Variants in DNM1L observed in about 807,000 individuals in gnomAD.
DNM1L encodes the protein dynamin 1L.
DNM1L carries 33 observed loss-of-function variants against 92.8 expected under a neutral mutation model. The ratio of observed to expected loss-of-function variants is 0.36; its 90% CI spans 0.27 to 0.48. DNM1L has a LOEUF of 0.48. Among genes scored for constraint, DNM1L ranks in the 20% least tolerant of loss-of-function variants. DNM1L has a pLI of 0.99. For missense variants in DNM1L, 485 were observed against 888.8 expected (o/e 0.55, Z 5.78); for synonymous variants, 284 against 305.0 (o/e 0.93, Z 0.72).
intron 9 of DNM1L, chr12:32,725,247 T>C (rs1280566317): frequency 1.3e-5 from 2 of 152,184 alleles, no homozygotes; most frequent in Non-Finnish European, 2.9e-5. Context: ...AGAACTAAAA[T>C]TGTATTTGAA....
At chr12:32,691,173 G>A (rs1393265246) in intron 1 of DNM1L, among the ~76,000 whole-genome samples, 1 of 152,108 alleles carries the variant, frequency 6.6e-6, no homozygotes, top group Non-Finnish European at 1.5e-5. Context: ...TGTCCGTGGT[G>A]TCTCTGTGTC....
rs940975463 is a variant in DNM1L at position 32,745,630 on chromosome 12, T to C, written c.*2220T>C. 1.3e-5 allele frequency: 2 copies of C among 152,364 alleles called. No homozygotes were observed. Among genetic ancestry groups the C allele is most frequent in the African/African-American group, 2.4e-5 (1 of 41,454 alleles). The allele number at this position is 152,364 out of a possible 1,614,324, so 9.4% of individuals were successfully genotyped here. A position where few individuals can be genotyped will look rare whatever the true frequency, so the allele number is the denominator to read the frequency against. On this transcript the variant is annotated 3_prime_UTR_variant, in exon 20 of 20. Coordinates refer to ENST00000549701, the MANE Select transcript of DNM1L (RefSeq NM_012062.5). ...GGAGCTTTTTAATACCTAATCTACT[T>C]TGGAACATAACCGTATAGAGTACGA...
intron 1 of DNM1L, among the ~76,000 whole-genome samples, chr12:32,696,634 CT>C (rs5797486): frequency 7.8e-4 from 115 of 146,976 alleles, no homozygotes; most frequent in East Asian, 7.7e-3. Flanking sequence ...AGATTACTGT[CT>C]TTTTTTTTTA....
chr12:32,692,908 T>C (rs1420994869), intron 1 of DNM1L: 1 of 152,236 alleles, frequency 6.6e-6, no homozygotes, highest in Non-Finnish European at 1.5e-5. Context: ...CCCAGTTTGT[T>C]CACTTATACT....
chr12:32,726,551 T>C (rs943820235), intron 9 of DNM1L: 7 of 1,171,848 alleles, frequency 6.0e-6, no homozygotes, highest in Middle Eastern at 2.6e-4. Flanking sequence ...ATCTTGGGAT[T>C]GTATGCTCAC....
At position 32,679,479 on chromosome 12, in the gene DNM1L, G is replaced by A; in HGVS notation, c.102+14G>A. 6.2e-7 allele frequency: 1 copy of A among 1,606,158 alleles called. No individual in the cohort carries two copies. Among genetic ancestry groups the A allele is most frequent in the Non-Finnish European group, 8.5e-7 (1 of 1,176,728 alleles). On this transcript the variant is annotated intron_variant, in intron 1 of 19. Transcript: ENST00000549701. ...GTGGGAACGCAGGTGAGAGCAGCAGGCGGCGTTCGCTCGGGCCAGACCCCG... is the reference window on the plus strand; with the variant it reads ...GTGGGAACGCAGGTGAGAGCAGCAGACGGCGTTCGCTCGGGCCAGACCCCG...
intron 13 of DNM1L, 126 bp from the exon 14 acceptor site, chr12:32,736,979 T>C (rs2137561569): frequency 1.2e-6 from 1 of 822,946 alleles, no homozygotes; most frequent in East Asian, 2.7e-5. Context: ...AATTATGGCA[T>C]GAGTCCCAAC....
Position 32,742,688 on chromosome 12 carries a change from T to A in DNM1L, c.2094T>A (p.Asp698Glu). 6.2e-7 allele frequency: 1 copy of A among 1,614,104 alleles called. No individual in the cohort carries two copies. Residue 698 changes from aspartate to glutamate, a missense_variant, in exon 19 of 20, where the codon GAT becomes GAA. Transcript: ENST00000549701. Reference protein sequence around the residue: ...GQLYKSSLLDDLLTESEDMAQ... With the variant: ...GQLYKSSLLDELLTESEDMAQ... Reference sequence around the variant, plus strand: ...TGTATAAATCATCCTTATTGGATGATCTTCTGACAGAATCTGAGGACATGG... The same window carrying A: ...TGTATAAATCATCCTTATTGGATGAACTTCTGACAGAATCTGAGGACATGG...
chr12:32,715,368 TTAAG>T (rs1953315365), intron 6 of DNM1L, among the ~76,000 whole-genome samples: 1 of 152,074 alleles, frequency 6.6e-6, no homozygotes, highest in African/African-American at 2.4e-5. Flanking sequence ...GTTGGAAAGA[TTAAG>T]TAAATTATAA....
At chr12:32,720,853 G>A (rs1292216012) in intron 8 of DNM1L, 58 bp downstream of exon 8, 3 of 1,603,206 alleles carry the variant, frequency 1.9e-6, no homozygotes, top group African/African-American at 1.3e-5. Context: ...TGGTGTCTGA[G>A]AGGGTTCATT....
rs546465348 is a variant in DNM1L, at chr12:32,741,341, A to G, written c.1994+823A>G. On this transcript the variant is annotated intron_variant, in intron 18 of 19. Transcript: ENST00000549701. ...CGCTTTGTCGCCCAGGCTGGGGTGCAGTGGCGCAGTCTTGGCCCACTTCAA... is the reference window on the plus strand; with the variant it reads ...CGCTTTGTCGCCCAGGCTGGGGTGCGGTGGCGCAGTCTTGGCCCACTTCAA... 2.0e-5 allele frequency among the ~76,000 whole-genome samples: 3 copies of G among 152,316 alleles called. No individual in the cohort carries two copies. The East Asian group carries it at 5.8e-4, about 29-fold the overall frequency.
chr12:32,735,068 G>GT (rs1048642911), intron 13 of DNM1L, among the ~76,000 whole-genome samples: 3 of 151,952 alleles, frequency 2.0e-5, no homozygotes, highest in Non-Finnish European at 4.4e-5. Context: ...AAAGGATTTA[G>GT]TTTTTTTTAC....
chr12:32,735,197 A>G (rs747555937), intron 13 of DNM1L, among the ~76,000 whole-genome samples: 4 of 152,222 alleles, frequency 2.6e-5, no homozygotes, highest in Non-Finnish European at 5.9e-5. Flanking sequence ...TCTGGTTTTA[A>G]TGACTGTGCC....
At chr12:32,697,235 T>C (rs963078462) in intron 1 of DNM1L, among the ~76,000 whole-genome samples, 2 of 151,976 alleles carry the variant, frequency 1.3e-5, no homozygotes, top group African/African-American at 4.8e-5. Context: ...TAAAAAAATA[T>C]AAAAAATAAA....
intron 13 of DNM1L, among the ~76,000 whole-genome samples, chr12:32,736,445 A>C (rs746150205): frequency 3.8e-4 from 58 of 152,162 alleles, no homozygotes; most frequent in Non-Finnish European, 1.2e-4. Context: ...TGAATTTGTC[A>C]GTTTCTTTAG....
At chr12:32,727,306 G>A in intron 9 of DNM1L, 1 of 988,514 alleles carries the variant, frequency 1.0e-6, no homozygotes. Context: ...CCTTTAACTT[G>A]CAGGTTTTTG....
In DNM1L at chr12:32,696,392, A is replaced by ACT. The variant is rs1326848871; in HGVS notation, c.103-5022_103-5021insTC. 2.2e-3 allele frequency among the ~76,000 whole-genome samples: 327 copies of ACT among 150,486 alleles called. 1 individual carries two copies. The highest frequency in any genetic ancestry group is 0.02 in the Middle Eastern group (6 of 294). On this transcript the variant is annotated intron_variant, in intron 1 of 19. Coordinates refer to ENST00000549701, the MANE Select transcript of DNM1L (RefSeq NM_012062.5). ...TCTACACACACACACAAACACACACACACACACACACACACACACACACAA... is the reference window on the plus strand; with the variant it reads ...TCTACACACACACACAAACACACACACTCACACACACACACACACACACACAA...
intron 13 of DNM1L, 194 bp from the exon 14 acceptor site, chr12:32,736,911 A>G: frequency 3.4e-6 from 2 of 593,578 alleles, no homozygotes; most frequent in Non-Finnish European, 5.8e-6. Flanking sequence ...GTGGGCAGAA[A>G]AAAAAAAGAT....
intron 5 of DNM1L, among the ~76,000 whole-genome samples, chr12:32,711,896 A>T (rs1953139825): frequency 6.6e-6 from 1 of 152,130 alleles, no homozygotes; most frequent in East Asian, 1.9e-4. Flanking sequence ...ATAAATAAAT[A>T]AATGGCAACT....
Sources: gnomAD v4.1 joint callset for allele counts (sites outside exome capture counted in the v4.1 genomes callset) on GRCh38, gnomAD v4.1.1 for gene constraint, MANE v1.5 for transcripts, NCBI Gene and HGNC (gene_info 2026-07-23, HGNC 2026-07-21) for gene names.